Variants in TNIK observed in about 807,000 individuals in gnomAD.
TNIK encodes TRAF2 and NCK interacting kinase, also known as TRAF2 and NCK-interacting protein kinase.
In TNIK, 49 loss-of-function variants were observed where a neutral mutation model predicts 191.3. The observed-to-expected ratio is 0.26, with a 90% CI of 0.20 to 0.32. The LOEUF (loss-of-function observed/expected upper bound fraction) is 0.32. Among genes scored for constraint, TNIK ranks in the 10% least tolerant of loss-of-function variants. The pLI, the probability that TNIK is intolerant of heterozygous loss-of-function variation, is 1.00. For missense variants in TNIK, 1,155 were observed against 1,702.3 expected (o/e 0.68, Z 5.66); for synonymous variants, 594 against 600.9 (o/e 0.99, Z 0.17).
intron 1 of TNIK, among the ~76,000 whole-genome samples, chr3:171,434,174 G>A (rs958648694): frequency 1.8e-4 from 27 of 151,858 alleles, no homozygotes; most frequent in Non-Finnish European, 8.8e-5. Context: ...GACCTCAGGC[G>A]ATCTGCCTGC....
chr3:171,235,430 C>A (rs1220575472), intron 2 of TNIK, among the ~76,000 whole-genome samples: 1 of 152,160 alleles, frequency 6.6e-6, no homozygotes, highest in African/African-American at 2.4e-5. Flanking sequence ...TATGTACATG[C>A]AGCCAACTCT....
At chr3:171,146,735 CA>C (rs1417506962) in intron 12 of TNIK, among the ~76,000 whole-genome samples, 2 of 151,884 alleles carry the variant, frequency 1.3e-5, no homozygotes, top group Non-Finnish European at 2.9e-5. Context: ...ACTAAAAATA[CA>C]AAAATTAGCT....
intron 27 of TNIK, among the ~76,000 whole-genome samples, chr3:171,080,174 A>C (rs541294930): frequency 1.3e-5 from 2 of 152,228 alleles, no homozygotes; most frequent in South Asian, 4.1e-4. Context: ...ATAGGAAAAA[A>C]AGGATGCAAA....
Position 171,190,642 on chromosome 3 carries a change from T to G in TNIK, c.508+55A>C, listed in dbSNP as rs888211660. On this transcript the variant is annotated intron_variant, in intron 6 of 32. Coordinates refer to ENST00000436636, the MANE Select transcript of TNIK (RefSeq NM_015028.4). The stretch of plus-strand genomic sequence containing the variant: ...TTAACATTAATTTTTTTAGAGCTGT[T>G]AATATAATCTCATCACTTCCTGCAA... 12 of 1,350,896 alleles carry G rather than the reference T, an allele frequency of 8.9e-6. No individual in the cohort carries two copies. The African/African-American group carries it at 1.6e-4, about 18-fold the overall frequency. 83.7% of individuals were successfully genotyped at this position (1,350,896 alleles called of 1,614,324 possible).
intron 16 of TNIK, among the ~76,000 whole-genome samples, chr3:171,126,462 T>C (rs1728494636): frequency 6.6e-6 from 1 of 152,244 alleles, no homozygotes; most frequent in Non-Finnish European, 1.5e-5. Context: ...ATGTATTTTA[T>C]AAGCACTTCT....
chr3:171,269,343 C>A (rs1748812134), intron 2 of TNIK, among the ~76,000 whole-genome samples: 1 of 152,184 alleles, frequency 6.6e-6, no homozygotes, highest in African/African-American at 2.4e-5. Flanking sequence ...TCTTTAAACA[C>A]AATGTGCAAG....
At chr3:171,181,557 CA>C (rs966935151) in intron 7 of TNIK, among the ~76,000 whole-genome samples, 1 of 152,210 alleles carries the variant, frequency 6.6e-6, no homozygotes, top group Non-Finnish European at 1.5e-5. Context: ...TAGTTTTCTC[CA>C]ATGAGACATA....
At chr3:171,181,095 G>T (rs1379999417) in intron 7 of TNIK, among the ~76,000 whole-genome samples, 1 of 152,168 alleles carries the variant, frequency 6.6e-6, no homozygotes, top group Non-Finnish European at 1.5e-5. Context: ...TCCCACCTCG[G>T]GTTCTCAAAG....
chr3:171,353,224 G>A (rs146737872), intron 2 of TNIK, among the ~76,000 whole-genome samples: 28 of 152,254 alleles, frequency 1.8e-4, no homozygotes, highest in Middle Eastern at 3.4e-3. Context: ...CTCTTGCACT[G>A]AGCAGTCGAC....
intron 1 of TNIK, among the ~76,000 whole-genome samples, chr3:171,451,678 CAGTGTGGCTAG>C: frequency 6.6e-6 from 1 of 152,316 alleles, no homozygotes; most frequent in African/African-American, 2.4e-5. Flanking sequence ...AGAAAAAAAT[CAGTGTGGCTAG>C]AGTGTAGTAA....
chr3:171,351,100 A>G (rs1713099317), intron 2 of TNIK, among the ~76,000 whole-genome samples: 1 of 152,116 alleles, frequency 6.6e-6, no homozygotes. Context: ...TATGTTGCTC[A>G]GGCTGGTCTC....
intron 2 of TNIK, among the ~76,000 whole-genome samples, chr3:171,240,169 G>C (rs78655234): frequency 0.012 from 1,809 of 152,274 alleles, 37 homozygotes; most frequent in African/African-American, 0.041. Flanking sequence ...CATGCCTCCA[G>C]TTTAGGTCGA....
intron 2 of TNIK, among the ~76,000 whole-genome samples, chr3:171,284,902 C>T (rs539319136): frequency 3.3e-5 from 5 of 152,262 alleles, no homozygotes; most frequent in Admixed American, 2.6e-4. Flanking sequence ...AGAAAGCGTG[C>T]GCTGACTAAA....
intron 2 of TNIK, among the ~76,000 whole-genome samples, chr3:171,360,720 G>A (rs370125949): frequency 1.6e-4 from 25 of 152,312 alleles, no homozygotes; most frequent in South Asian, 6.2e-4. Context: ...CCTCTCCCTA[G>A]AGTACCTACT....
At chr3:171,205,468 C>A (rs1010936669) in intron 4 of TNIK, among the ~76,000 whole-genome samples, 2 of 152,186 alleles carry the variant, frequency 1.3e-5, no homozygotes, top group African/African-American at 4.8e-5. Flanking sequence ...CATTTTGTTA[C>A]CTGCAGTTAA....
chr3:171,175,386 GC>G, intron 8 of TNIK, 56 bp from the exon 9 acceptor site: 2 of 1,481,238 alleles, frequency 1.4e-6, no homozygotes, highest in Non-Finnish European at 1.8e-6. Context: ...CCCAGGCCAA[GC>G]CCGTCTTGGC....
At chr3:171,295,824 C>T (rs1233425310) in intron 2 of TNIK, among the ~76,000 whole-genome samples, 4 of 152,122 alleles carry the variant, frequency 2.6e-5, no homozygotes, top group Non-Finnish European at 4.4e-5. Context: ...CCTGTTCCTC[C>T]GTGGCCACCC....
intron 2 of TNIK, among the ~76,000 whole-genome samples, chr3:171,248,506 C>T (rs1232509069): frequency 6.6e-6 from 1 of 152,030 alleles, no homozygotes; most frequent in Non-Finnish European, 1.5e-5. Context: ...TCATGAGGCC[C>T]AAGGCTGGAG....
At chr3:171,201,626 G>A (rs1222164477) in intron 4 of TNIK, among the ~76,000 whole-genome samples, 1 of 152,052 alleles carries the variant, frequency 6.6e-6, no homozygotes, top group African/African-American at 2.4e-5. Context: ...TGTGCAAAAG[G>A]TAGGTTAAGT....
Sources: gnomAD v4.1 joint callset for allele counts (sites outside exome capture counted in the v4.1 genomes callset) on GRCh38, gnomAD v4.1.1 for gene constraint, MANE v1.5 for transcripts, NCBI Gene and HGNC (gene_info 2026-07-23, HGNC 2026-07-21) for gene names.